Variants in MTA1 observed in about 807,000 individuals in gnomAD.
MTA1 encodes metastasis-associated protein MTA1.
MTA1 carries 15 observed loss-of-function variants against 97.0 expected under a neutral mutation model. The ratio of observed to expected loss-of-function variants is 0.15; its 90% CI spans 0.10 to 0.24. MTA1 has a LOEUF of 0.24. Ranked by LOEUF, MTA1 falls within the 10% of genes least tolerant of loss-of-function variation. The pLI, the probability that MTA1 is intolerant of heterozygous loss-of-function variation, is 1.00. For synonymous variants in MTA1, 435 were observed against 417.5 expected, an observed-to-expected ratio of 1.04 and a Z score of -0.51; for missense variants, 709 against 1,015.1, an observed-to-expected ratio of 0.70 and a Z score of 4.10.
In MTA1 at chr14:105,419,965, C is replaced by T. The variant is rs2141371242; in HGVS notation, c.-71C>T. 4 of 789,296 alleles carry T rather than the reference C, an allele frequency of 5.1e-6. No homozygotes were observed. In the South Asian group the frequency reaches 1.7e-4, roughly 33 times the overall value. The allele number at this position is 789,296 out of a possible 1,614,324, so 48.9% of individuals were successfully genotyped here. ...GCGCCCCCCGCCCCCGCCATCGCGC[C>T]TCCATTTTCCCGGCCGCCCGCGCCG... On this transcript the variant is annotated 5_prime_UTR_variant, in exon 1 of 21. Transcript: ENST00000331320.
chr14:105,428,819 G>A (rs1487747185), intron 1 of MTA1, among the ~76,000 whole-genome samples: 1 of 151,778 alleles, frequency 6.6e-6, no homozygotes, highest in Non-Finnish European at 1.5e-5. Flanking sequence ...AGTCTCTTGG[G>A]CTCAAGTGAT....
At chr14:105,440,905 C>T (rs1305288432) in intron 2 of MTA1, among the ~76,000 whole-genome samples, 3 of 152,248 alleles carry the variant, frequency 2.0e-5, no homozygotes, top group African/African-American at 7.2e-5. Context: ...ACTGAACGCC[C>T]CCTCAAATAA....
At chr14:105,459,105 A>C (rs80203605) in intron 8 of MTA1, among the ~76,000 whole-genome samples, 34 of 53,428 alleles carry the variant, frequency 6.4e-4, no homozygotes, top group Middle Eastern at 0.011. Flanking sequence ...GGTCCCTGGC[A>C]CCTGGGGAGC....
chr14:105,435,736 T>C (rs1274866007), intron 1 of MTA1, among the ~76,000 whole-genome samples: 1 of 152,244 alleles, frequency 6.6e-6, no homozygotes, highest in Non-Finnish European at 1.5e-5. Context: ...TGGATAGGGT[T>C]ACCTGTTTCT....
At chr14:105,468,438 A>G in intron 18 of MTA1, 1 of 1,204,420 alleles carries the variant, frequency 8.3e-7, no homozygotes, top group South Asian at 1.3e-5. Context: ...CCTGCTTGGG[A>G]GCGCCGCAGA....
Position 105,420,122 on chromosome 14 carries a change from C to T in MTA1, c.28+59C>T, listed in dbSNP as rs1753340815. 1 of 870,668 alleles carries T rather than the reference C, an allele frequency of 1.1e-6. No homozygotes were observed. Among genetic ancestry groups the T allele is most frequent in the Non-Finnish European group, 1.4e-6 (1 of 719,930 alleles). 53.9% of individuals were successfully genotyped at this position (870,668 alleles called of 1,614,324 possible). A position where few individuals can be genotyped will look rare whatever the true frequency, so the allele number is the denominator to read the frequency against. On this transcript the variant is annotated intron_variant, in intron 1 of 20. Transcript: ENST00000331320. The surrounding 1 kb of genome is among the most constrained non-coding windows in gnomAD (Gnocchi z 5.3). ...CCCGCCCGCAGCCCCCACCCGCCGC[C>T]GCTGCCGCCTCCCCCGCCCCTCTGC...
intron 6 of MTA1, among the ~76,000 whole-genome samples, chr14:105,451,181 C>T (rs1472643827): frequency 7.9e-5 from 12 of 152,228 alleles, no homozygotes; most frequent in South Asian, 2.1e-4. Flanking sequence ...TCGTGGCCAT[C>T]GGCGCTCTGG....
At chr14:105,436,150 T>C (rs1465193629) in intron 1 of MTA1, among the ~76,000 whole-genome samples, 4 of 152,144 alleles carry the variant, frequency 2.6e-5, no homozygotes, top group Non-Finnish European at 4.4e-5. Context: ...GCTCCTGTAA[T>C]CCCAGCTACT....
Position 105,460,759 on chromosome 14 carries a change from C to T in MTA1, c.754-6C>T. On this transcript the variant is annotated splice_region_variant and splice_polypyrimidine_tract_variant and intron_variant, in intron 9 of 20. Transcript: ENST00000331320. ...GCCCGGGTGACCCTGCTGTCTCCTG[C>T]CGCAGTTCCACGCCATGGATACTCT... 6.4e-7 allele frequency: 1 copy of T among 1,567,224 alleles called. No homozygotes were observed. The highest frequency in any genetic ancestry group is 8.7e-7 in the Non-Finnish European group (1 of 1,154,650).
At chr14:105,430,886 C>T (rs781814609) in intron 1 of MTA1, among the ~76,000 whole-genome samples, 4 of 152,134 alleles carry the variant, frequency 2.6e-5, no homozygotes, top group African/African-American at 4.8e-5. Context: ...TATGGGAACA[C>T]GGCCGCACTA....
intron 8 of MTA1, 77 bp downstream of exon 8, chr14:105,458,449 G>A (rs4074001): frequency 0.97 from 1,308,100 of 1,346,014 alleles, 642,885 homozygotes; most frequent in Non-Finnish European, 1. Flanking sequence ...GGTGGGTGTT[G>A]GGGACGTGAC....
intron 4 of MTA1, 123 bp downstream of exon 4, chr14:105,449,532 G>A (rs76773503): frequency 1.4e-5 from 15 of 1,107,746 alleles, no homozygotes; most frequent in African/African-American, 7.9e-5. Context: ...GCGCCCGGCC[G>A]GCCCGGCTGA....
intron 3 of MTA1, among the ~76,000 whole-genome samples, chr14:105,447,822 C>G (rs150622743): frequency 2.0e-5 from 3 of 152,184 alleles, no homozygotes; most frequent in Non-Finnish European, 1.5e-5. Flanking sequence ...AGGGCCCACA[C>G]CCCCCGGGGT....
chr14:105,449,740 C>T (rs2082850425), intron 4 of MTA1, among the ~76,000 whole-genome samples: 1 of 152,226 alleles, frequency 6.6e-6, no homozygotes, highest in Non-Finnish European at 1.5e-5. Context: ...GCTCCTCTTG[C>T]TCTTGCCTGC....
intron 7 of MTA1, among the ~76,000 whole-genome samples, chr14:105,457,554 G>A (rs782340593): frequency 1.3e-4 from 20 of 152,254 alleles, no homozygotes; most frequent in Non-Finnish European, 2.8e-4. Flanking sequence ...CCCCCAGAAG[G>A]TCCCTGGAGG....
At position 105,467,001 on chromosome 14, in the gene MTA1, C is replaced by T. The variant is rs587768150; in HGVS notation, c.1813+259C>T. The T allele has an allele frequency of 2.1e-5, 12 of 560,994 alleles. No individual in the cohort carries two copies. In the Middle Eastern group the frequency reaches 1.4e-3, roughly 66 times the overall value. 34.8% of individuals were successfully genotyped at this position (560,994 alleles called of 1,614,324 possible). A position where few individuals can be genotyped will look rare whatever the true frequency, so the allele number is the denominator to read the frequency against. On this transcript the variant is annotated intron_variant, in intron 18 of 20. Transcript: ENST00000331320. Reference sequence around the variant, plus strand: ...ACTGTCCTGGCACGTGTGGCCCTGGCGCCCCTGCCTGCGCTGTCTGCCATC... The same window carrying T: ...ACTGTCCTGGCACGTGTGGCCCTGGTGCCCCTGCCTGCGCTGTCTGCCATC...
chr14:105,469,765 C>CTTGGCTGGTGGCCCA (rs2141726519), intron 19 of MTA1, 76 bp from the exon 20 acceptor site: 1 of 1,548,176 alleles, frequency 6.5e-7, no homozygotes, highest in Non-Finnish European at 8.7e-7. Context: ...GGCACAGCAC[C>CTTGGCTGGTGGCCCA]TCCCAGCGGG....
chr14:105,469,367 C>G, intron 18 of MTA1, 100 bp from the exon 19 acceptor site: 2 of 1,343,572 alleles, frequency 1.5e-6, no homozygotes, highest in South Asian at 1.2e-5. Flanking sequence ...TGGCAGATGG[C>G]CCCGGCCCAT....
At chr14:105,466,206 C>G in intron 16 of MTA1, 1 of 584,772 alleles carries the variant, frequency 1.7e-6, no homozygotes, top group Non-Finnish European at 3.0e-6. Context: ...CCCTGGGGTG[C>G]GGGACTGGCC....
Sources: allele counts gnomAD v4.1 joint callset (sites outside exome capture counted in the v4.1 genomes callset), GRCh38; gene constraint gnomAD v4.1.1; non-coding constraint Gnocchi (gnomAD v3.1); transcripts MANE v1.5; gene names NCBI Gene and HGNC (gene_info 2026-07-23, HGNC 2026-07-21).